Variants in SYNE1 observed in about 807,000 individuals in gnomAD.
SYNE1 encodes the protein spectrin repeat containing nuclear envelope protein 1, also known as nesprin-1.
In SYNE1, 616 loss-of-function variants were observed where a neutral mutation model predicts 1,111.0. The ratio of observed to expected loss-of-function variants is 0.55; its 90% CI spans 0.52 to 0.59. SYNE1 has a LOEUF of 0.59. Ranked by LOEUF, SYNE1 falls within the 20% of genes least tolerant of loss-of-function variation. The pLI is 0.00. For synonymous variants in SYNE1, 3,855 were observed against 3,825.8 expected, an observed-to-expected ratio of 1.01 and a Z score of -0.28; for missense variants, 10,006 against 10,417.0, an observed-to-expected ratio of 0.96 and a Z score of 1.72.
At chr6:152,475,695 T>C (rs2098830868) in intron 14 of SYNE1, among the ~76,000 whole-genome samples, 1 of 152,158 alleles carries the variant, frequency 6.6e-6, no homozygotes, top group African/African-American at 2.4e-5. Flanking sequence ...ACTATCAACA[T>C]CACTGTGGGG....
In SYNE1 at chr6:152,284,032, G is replaced by A. The variant is rs201090220; in HGVS notation, c.18153C>T (p.Ala6051=). ...LALQSTLTVL[A]ERMSTIRMKA... Reference sequence around the variant, plus strand: ...TCATCCTGATGGTGGACATTCGCTCGGCTAAGACAGTGAGCGTGGACTGCA... The same window carrying A: ...TCATCCTGATGGTGGACATTCGCTCAGCTAAGACAGTGAGCGTGGACTGCA... Residue 6051 remains alanine (A), a synonymous_variant, in exon 96 of 146, where the codon GCC becomes GCT. Coordinates refer to ENST00000367255, the MANE Select transcript of SYNE1 (RefSeq NM_182961.4). 2.3e-4 allele frequency: 373 copies of A among 1,614,220 alleles called. 7 individuals are homozygous for A. In the South Asian group the frequency reaches 3.9e-3, roughly 17 times the overall value.
At chr6:152,547,873 T>C (rs915161470) in intron 3 of SYNE1, among the ~76,000 whole-genome samples, 15 of 152,206 alleles carry the variant, frequency 9.9e-5, no homozygotes, top group African/African-American at 3.6e-4. Context: ...AGGAATAATA[T>C]TCAATTGTAT....
chr6:152,216,737 T>G (rs763111974), intron 121 of SYNE1, among the ~76,000 whole-genome samples: 11 of 152,230 alleles, frequency 7.2e-5, no homozygotes, highest in Non-Finnish European at 1.5e-4. Context: ...TGAATTATTT[T>G]GCTTACTTGA....
At chr6:152,215,153 A>G (rs2078325195) in intron 121 of SYNE1, 93 bp from the exon 122 acceptor site, 2 of 1,464,086 alleles carry the variant, frequency 1.4e-6, no homozygotes, top group East Asian at 4.6e-5. Flanking sequence ...TTCAGGAAGT[A>G]GCTGGTCTTC....
rs764791679 is a variant in SYNE1 at position 152,441,389 on chromosome 6, C to T, written c.4009-119G>A. ...ATTCTCATTTCAAATTTCACACAGT[C>T]ACAATGAATAGAGATGATTCTAGTA... On this transcript the variant is annotated intron_variant, in intron 31 of 145. Coordinates refer to ENST00000367255, the MANE Select transcript of SYNE1 (RefSeq NM_182961.4). 4 of 1,057,454 alleles carry T rather than the reference C, an allele frequency of 3.8e-6. 1 individual carries two copies. The Admixed American group carries it at 8.3e-5, about 22-fold the overall frequency. The allele number at this position is 1,057,454 out of a possible 1,614,324, so 65.5% of individuals were successfully genotyped here.
intron 5 of SYNE1, among the ~76,000 whole-genome samples, chr6:152,525,341 G>A (rs994250541): frequency 2.6e-5 from 4 of 152,130 alleles, no homozygotes; most frequent in African/African-American, 9.7e-5. Context: ...TTTGGACTCT[G>A]TGTCTAGTGT....
Position 152,451,141 on chromosome 6 carries a change from A to C in SYNE1, c.3092T>G (p.Phe1031Cys). The C allele has an allele frequency of 6.2e-7, 1 of 1,614,110 alleles. No homozygotes were observed. The highest frequency in any genetic ancestry group is 8.5e-7 in the Non-Finnish European group (1 of 1,180,020). ...TCTGCATTCTTCTACAGAGGCTAAG[A>C]ACCTATTCTTCTCCACATCAATCTT... ...HLKIDVEKNR[F>C]LASVEECRTE... The change falls in exon 26 of 146, where the codon TTC becomes TGC. Residue 1031 changes from phenylalanine (F) to cysteine (C), a missense_variant. This residue lies in a region of SYNE1 where 1,971 missense variants were observed against 2,084.1 expected (regional missense o/e 0.95). Transcript: ENST00000367255.
intron 52 of SYNE1, 137 bp from the exon 53 acceptor site, chr6:152,390,589 T>C: frequency 1.3e-6 from 1 of 795,898 alleles, no homozygotes; most frequent in Non-Finnish European, 2.0e-6. Context: ...CTCTGGGCCC[T>C]ATTGCAATAT....
At position 152,416,626 on chromosome 6, in the gene SYNE1, C is replaced by T. The variant is rs1592251315; in HGVS notation, c.5811G>A (p.Leu1937=). The T allele has an allele frequency of 1.2e-6, 2 of 1,614,196 alleles. No homozygotes were observed. The highest frequency in any genetic ancestry group is 1.3e-5 in the African/African-American group (1 of 75,052). ...TCCTTTGCTCAGAGCTCCCGATTTT[C>T]AGATGGTATTGGGCTTTGGAAAGAA... The part of the protein sequence containing the change: ...DGILSKAQYH[L]KIGSSEQRTS... The change falls in exon 41 of 146, where the codon CTG becomes CTA. Residue 1937 remains leucine (L), a synonymous_variant. Transcript: ENST00000367255.
chr6:152,262,219 A>G, intron 100 of SYNE1, 31 bp from the exon 101 acceptor site: 1 of 1,606,054 alleles, frequency 6.2e-7, no homozygotes, highest in Non-Finnish European at 8.5e-7. Context: ...CTAAGTTTAC[A>G]ATGTGCACAA....
At chr6:152,444,636 A>G in intron 29 of SYNE1, 58 bp from the exon 30 acceptor site, 1 of 1,526,462 alleles carries the variant, frequency 6.6e-7, no homozygotes, top group Non-Finnish European at 8.9e-7. Flanking sequence ...TGAAGTTTGT[A>G]TAATTTTTTT....
chr6:152,136,149 T>C (rs2057021493), intron 141 of SYNE1, among the ~76,000 whole-genome samples: 1 of 152,228 alleles, frequency 6.6e-6, no homozygotes. Context: ...TTATTGATCT[T>C]GTCTTCCCCA....
intron 77 of SYNE1, 27 bp downstream of exon 77, chr6:152,333,981 G>T: frequency 6.2e-7 from 1 of 1,613,934 alleles, no homozygotes; most frequent in Non-Finnish European, 8.5e-7. Context: ...TTAGCATTTT[G>T]GTGACCCATG....
At chr6:152,134,094 T>C (rs142269144) in intron 142 of SYNE1, 3 of 154,846 alleles carry the variant, frequency 1.9e-5, no homozygotes, top group Non-Finnish European at 2.9e-5. Flanking sequence ...ACAAAGTGCA[T>C]AATATTTTCT....
intron 3 of SYNE1, among the ~76,000 whole-genome samples, chr6:152,587,900 A>C (rs989714859): frequency 1.2e-4 from 18 of 152,214 alleles, no homozygotes; most frequent in African/African-American, 4.3e-4. Context: ...ACTACTATAA[A>C]TTATGATTTT....
At chr6:152,622,683 T>C (rs2099678152) in intron 3 of SYNE1, among the ~76,000 whole-genome samples, 1 of 152,208 alleles carries the variant, frequency 6.6e-6, no homozygotes, top group African/African-American at 2.4e-5. Flanking sequence ...GCATTTAGAT[T>C]GATGCAATGT....
In SYNE1 at chr6:152,538,588, C is replaced by A. The variant is rs537183362; in HGVS notation, c.129+1372G>T. On this transcript the variant is annotated intron_variant, in intron 4 of 145. Transcript: ENST00000367255. ...ATTAATATTATTTTCAATTACGTAA[C>A]CTCTGTACACTATGAAAAAATAATA... Among the ~76,000 whole-genome samples the A allele has an allele frequency of 9.2e-5, 14 of 151,510 alleles. No individual in the cohort carries two copies. In the East Asian group the frequency reaches 2.3e-3, roughly 25 times the overall value.
chr6:152,471,922 C>T, intron 15 of SYNE1, 157 bp from the exon 16 acceptor site: 1 of 764,332 alleles, frequency 1.3e-6, no homozygotes, highest in Non-Finnish European at 2.1e-6. Flanking sequence ...TTTTCTAGCT[C>T]TGGATTTAAA....
intron 117 of SYNE1, 30 bp downstream of exon 117, chr6:152,224,464 C>T (rs370440333): frequency 3.3e-5 from 53 of 1,603,934 alleles, no homozygotes; most frequent in African/African-American, 4.0e-5. Context: ...TTAAAATGAA[C>T]GTTAAGGATG....
Sources: allele counts gnomAD v4.1 joint callset (sites outside exome capture counted in the v4.1 genomes callset), GRCh38; gene constraint gnomAD v4.1.1; regional missense constraint gnomAD v4.1.1; transcripts MANE v1.5; gene names NCBI Gene and HGNC (gene_info 2026-07-23, HGNC 2026-07-21).